HS6ST3: variants seen among roughly 807,000 people sequenced by gnomAD.
HS6ST3 encodes the protein heparan-sulfate 6-O-sulfotransferase 3.
HS6ST3 carries 12 observed loss-of-function variants against 36.7 expected under a neutral mutation model. The ratio of observed to expected loss-of-function variants is 0.33; its 90% CI spans 0.21 to 0.53. HS6ST3 has a LOEUF of 0.53. Ranked by LOEUF, HS6ST3 falls within the 20% of genes least tolerant of loss-of-function variation. The probability of loss-of-function intolerance (pLI) is 0.95; values close to 1 mark genes in which losing one functional copy is unlikely to be tolerated. For missense variants in HS6ST3, 584 were observed against 640.9 expected (o/e 0.91, Z 0.96); for synonymous variants, 240 against 257.5 (o/e 0.93, Z 0.65).
At chr13:96,401,762 G>A (rs898170090) in intron 1 of HS6ST3, among the ~76,000 whole-genome samples, 1 of 151,870 alleles carries the variant, frequency 6.6e-6, no homozygotes, top group Non-Finnish European at 1.5e-5. Flanking sequence ...TTTCGTAGAG[G>A]CAGGGTTTCA....
intron 1 of HS6ST3, among the ~76,000 whole-genome samples, chr13:96,135,540 A>G (rs75221930): frequency 2.1e-3 from 316 of 152,298 alleles, no homozygotes; most frequent in African/African-American, 7.1e-3. Flanking sequence ...ATGGAAGAGG[A>G]GTTTGCTAAC....
At chr13:96,283,517 C>G (rs1029123377) in intron 1 of HS6ST3, among the ~76,000 whole-genome samples, 1 of 152,050 alleles carries the variant, frequency 6.6e-6, no homozygotes, top group Non-Finnish European at 1.5e-5. Flanking sequence ...TCTGTCTTGT[C>G]CTCCTCCTCT....
chr13:96,722,988 CGT>C (rs34651683), intron 1 of HS6ST3, among the ~76,000 whole-genome samples: 14,924 of 143,146 alleles, frequency 0.1, 1,316 homozygotes, highest in African/African-American at 0.24. Context: ...AAAAAATATA[CGT>C]GTGTGTGTGT....
chr13:96,177,813 A>C (rs2054219692), intron 1 of HS6ST3, among the ~76,000 whole-genome samples: 1 of 152,176 alleles, frequency 6.6e-6, no homozygotes, highest in African/African-American at 2.4e-5. Context: ...AAAAATAAAA[A>C]GATACAGAAA....
intron 1 of HS6ST3, among the ~76,000 whole-genome samples, chr13:96,366,789 A>C (rs1299469173): frequency 6.6e-6 from 1 of 152,148 alleles, no homozygotes; most frequent in Non-Finnish European, 1.5e-5. Context: ...AATTGTAATA[A>C]TCTCCATGTG....
intron 1 of HS6ST3, among the ~76,000 whole-genome samples, chr13:96,673,723 T>C (rs180876863): frequency 1.3e-4 from 20 of 152,266 alleles, no homozygotes; most frequent in Non-Finnish European, 2.5e-4. Context: ...CTGAGATATT[T>C]CTTCAATTTA....
chr13:96,617,258 A>G (rs72642799), intron 1 of HS6ST3, among the ~76,000 whole-genome samples: 1,630 of 152,306 alleles, frequency 0.011, 20 homozygotes, highest in African/African-American at 0.025. Flanking sequence ...ATGACATTTC[A>G]TTCCTTTAGT....
At chr13:96,487,263 A>G (rs1234334657) in intron 1 of HS6ST3, among the ~76,000 whole-genome samples, 2 of 152,098 alleles carry the variant, frequency 1.3e-5, no homozygotes, top group East Asian at 3.9e-4. Flanking sequence ...CTAATAGTGC[A>G]ATGTTATTTT....
At chr13:96,607,952 A>G (rs1323460450) in intron 1 of HS6ST3, among the ~76,000 whole-genome samples, 2 of 152,174 alleles carry the variant, frequency 1.3e-5, no homozygotes, top group Non-Finnish European at 2.9e-5. Flanking sequence ...TATGGCCTAT[A>G]AAGTGGGCTC....
chr13:96,651,666 C>A (rs1330826495), intron 1 of HS6ST3, among the ~76,000 whole-genome samples: 1 of 152,096 alleles, frequency 6.6e-6, no homozygotes, highest in Non-Finnish European at 1.5e-5. Context: ...CCACCTTGGA[C>A]CAGATCATAA....
Position 96,781,611 on chromosome 13 carries a change from C to A in HS6ST3, c.708-50879C>A, listed in dbSNP as rs540410448. Among the ~76,000 whole-genome samples the A allele has an allele frequency of 1.1e-4, 16 of 152,300 alleles. No individual in the cohort carries two copies. In the East Asian group the frequency reaches 2.3e-3, roughly 22 times the overall value. ...GTACTATAAAAATGGAAAGATAAAA[C>A]TCTCAACAGGAAACCAGGGCAGATC... On this transcript the variant is annotated intron_variant, in intron 1 of 1. Coordinates refer to ENST00000376705, the MANE Select transcript of HS6ST3 (RefSeq NM_153456.4).
At chr13:96,182,436 G>A (rs191296735) in intron 1 of HS6ST3, among the ~76,000 whole-genome samples, 1 of 152,084 alleles carries the variant, frequency 6.6e-6, no homozygotes, top group Non-Finnish European at 1.5e-5. Flanking sequence ...TTTGACAGAG[G>A]TTTCAAAATA....
At chr13:96,169,667 C>T (rs978286565) in intron 1 of HS6ST3, 1 of 152,214 alleles carries the variant, frequency 6.6e-6, no homozygotes, top group African/African-American at 2.4e-5. Flanking sequence ...GGTGTCCGCA[C>T]TAAGTTTAGC....
At chr13:96,722,055 C>G (rs1365732150) in intron 1 of HS6ST3, among the ~76,000 whole-genome samples, 1 of 152,072 alleles carries the variant, frequency 6.6e-6, no homozygotes, top group East Asian at 1.9e-4. Context: ...CACCTGAGGT[C>G]AGGAGTTTGA....
At chr13:96,276,259 C>A (rs992215150) in intron 1 of HS6ST3, among the ~76,000 whole-genome samples, 6 of 152,148 alleles carry the variant, frequency 3.9e-5, no homozygotes, top group African/African-American at 1.4e-4. Context: ...TTCCTCCCTC[C>A]AGCCCTGTCT....
chr13:96,765,588 T>TCTCTCTCTCTC (rs1877089470), intron 1 of HS6ST3, among the ~76,000 whole-genome samples: 23 of 142,708 alleles, frequency 1.6e-4, no homozygotes, highest in Non-Finnish European at 2.8e-4. Context: ...CTCTCTCTCT[T>TCTCTCTCTCTC]TCTCTCTCTC....
chr13:96,315,764 T>A (rs1040475991), intron 1 of HS6ST3, among the ~76,000 whole-genome samples: 3 of 152,112 alleles, frequency 2.0e-5, no homozygotes, highest in Admixed American at 6.6e-5. Flanking sequence ...CCTGAGAGAG[T>A]TTGTATTAAT....
chr13:96,148,760 G>T (rs143975856), intron 1 of HS6ST3, among the ~76,000 whole-genome samples: 1 of 152,286 alleles, frequency 6.6e-6, no homozygotes, highest in East Asian at 1.9e-4. Flanking sequence ...TGAAACCCAG[G>T]TAGCTACACA....
At chr13:96,609,638 G>A (rs541976860) in intron 1 of HS6ST3, among the ~76,000 whole-genome samples, 87 of 152,250 alleles carry the variant, frequency 5.7e-4, no homozygotes, top group African/African-American at 2.1e-3. Context: ...CTCCCATCTT[G>A]TGCCAGATGA....
Sources: allele counts gnomAD v4.1 joint callset (sites outside exome capture counted in the v4.1 genomes callset), GRCh38; gene constraint gnomAD v4.1.1; transcripts MANE v1.5; gene names NCBI Gene and HGNC (gene_info 2026-07-23, HGNC 2026-07-21).